DCDC1: variants seen among roughly 807,000 people sequenced by gnomAD.
DCDC1 encodes the protein doublecortin domain-containing protein 1.
Under a neutral mutation model 178.3 loss-of-function variants are expected in DCDC1, and 200 were observed. That is an observed-to-expected ratio of 1.12 (90% confidence interval 1.00 to 1.26). The LOEUF is 1.26. DCDC1 is among the 50% of genes most tolerant of loss of function. The probability of loss-of-function intolerance (pLI) is 0.00; values close to 1 mark genes in which losing one functional copy is unlikely to be tolerated. For missense variants in DCDC1, 1,983 were observed against 1,749.2 expected (o/e 1.13, Z -2.38); for synonymous variants, 690 against 604.8 (o/e 1.14, Z -2.07).
At chr11:31,361,500 A>G (rs962102742) in intron 1 of DCDC1, among the ~76,000 whole-genome samples, 1 of 152,008 alleles carries the variant, frequency 6.6e-6, no homozygotes, top group African/African-American at 2.4e-5. Context: ...TTTTTTTTTA[A>G]GACAAGAGTC....
At chr11:31,273,703 C>T (rs1352209752) in intron 7 of DCDC1, among the ~76,000 whole-genome samples, 2 of 152,164 alleles carry the variant, frequency 1.3e-5, no homozygotes, top group East Asian at 1.9e-4. Context: ...GTATCTACAG[C>T]AGCACCCCAC....
At chr11:31,348,917 A>G (rs183186410) in intron 1 of DCDC1, among the ~76,000 whole-genome samples, 25 of 152,348 alleles carry the variant, frequency 1.6e-4, no homozygotes, top group Admixed American at 1.5e-3. Context: ...TTAATTTTAC[A>G]ACAACTAAAA....
At chr11:31,020,461 G>A (rs1276811263) in intron 20 of DCDC1, among the ~76,000 whole-genome samples, 2 of 152,090 alleles carry the variant, frequency 1.3e-5, no homozygotes, top group East Asian at 3.9e-4. Context: ...TTTGTCTTAA[G>A]TCATTAGATC....
At chr11:31,367,599 T>C (rs1469088847) in intron 1 of DCDC1, among the ~76,000 whole-genome samples, 2 of 152,204 alleles carry the variant, frequency 1.3e-5, no homozygotes, top group Non-Finnish European at 1.5e-5. Flanking sequence ...CTGGATACAG[T>C]AGCCACTAGT....
At chr11:30,940,806 A>G (rs1469418240) in intron 21 of DCDC1, among the ~76,000 whole-genome samples, 1 of 152,016 alleles carries the variant, frequency 6.6e-6, no homozygotes, top group Non-Finnish European at 1.5e-5. Context: ...CTTTGACTTC[A>G]TTCTGTCACC....
At chr11:31,054,305 G>C (rs1955448542) in intron 20 of DCDC1, among the ~76,000 whole-genome samples, 1 of 149,116 alleles carries the variant, frequency 6.7e-6, no homozygotes, top group South Asian at 2.1e-4. Context: ...CCTCTACAAG[G>C]AAAACTACAA....
At chr11:31,237,536 A>T (rs1022742251) in intron 9 of DCDC1, among the ~76,000 whole-genome samples, 1 of 151,964 alleles carries the variant, frequency 6.6e-6, no homozygotes, top group Non-Finnish European at 1.5e-5. Flanking sequence ...AAAAAAATTT[A>T]AATTTAAATC....
At chr11:31,112,032 TG>T (rs1959185766) in intron 11 of DCDC1, among the ~76,000 whole-genome samples, 1 of 152,082 alleles carries the variant, frequency 6.6e-6, no homozygotes, top group Non-Finnish European at 1.5e-5. Flanking sequence ...AAAAATTGGC[TG>T]TGACCTCTGC....
chr11:31,075,674 C>T (rs1037049975), intron 18 of DCDC1, among the ~76,000 whole-genome samples: 2 of 152,110 alleles, frequency 1.3e-5, no homozygotes, highest in African/African-American at 2.4e-5. Flanking sequence ...CCTTGTTGGC[C>T]ATTTGTATGT....
intron 20 of DCDC1, among the ~76,000 whole-genome samples, chr11:30,994,710 T>C (rs1951162652): frequency 6.9e-6 from 1 of 144,688 alleles, no homozygotes; most frequent in Admixed American, 7.1e-5. Context: ...ATATAACATA[T>C]AGTATATGTT....
In DCDC1 at chr11:31,014,524, G is replaced by T. The variant is rs1590761480; in HGVS notation, c.2591+49945C>A. Among the ~76,000 whole-genome samples, 5 of 152,228 alleles carry T rather than the reference G, an allele frequency of 3.3e-5. No individual in the cohort carries two copies. In the East Asian group the frequency reaches 9.7e-4, roughly 29 times the overall value. Reference sequence around the variant, plus strand: ...CCTAGCTAGCTGCTCCTGGATTCCGGATCCTTAGAAACTATGTCAGATCAT... The same window carrying T: ...CCTAGCTAGCTGCTCCTGGATTCCGTATCCTTAGAAACTATGTCAGATCAT... On this transcript the variant is annotated intron_variant, in intron 20 of 38. Transcript: ENST00000684477.
At chr11:31,271,201 AT>A (rs1306394507) in intron 7 of DCDC1, among the ~76,000 whole-genome samples, 1 of 152,152 alleles carries the variant, frequency 6.6e-6, no homozygotes, top group Non-Finnish European at 1.5e-5. Context: ...AAGCCTACTT[AT>A]TTCTACAGCC....
rs902607192 is a variant in DCDC1 at position 31,244,696 on chromosome 11, A to G, written c.1055-3080T>C. Among the ~76,000 whole-genome samples the G allele has an allele frequency of 5.3e-5, 8 of 151,898 alleles. No individual in the cohort carries two copies. The East Asian group carries it at 1.2e-3, about 22-fold the overall frequency. Reference sequence around the variant, plus strand: ...TTCATATTAAATGGTTTGGAAGTTAATCATCCCTTAAATTTAGCAATTATG... The same window carrying G: ...TTCATATTAAATGGTTTGGAAGTTAGTCATCCCTTAAATTTAGCAATTATG... On this transcript the variant is annotated intron_variant, in intron 8 of 38. Transcript: ENST00000684477.
chr11:31,323,545 G>A (rs915094006), intron 3 of DCDC1, among the ~76,000 whole-genome samples: 7 of 151,846 alleles, frequency 4.6e-5, no homozygotes, highest in African/African-American at 1.7e-4. Flanking sequence ...GTGTATATTT[G>A]ACAAGCATAT....
At chr11:30,888,060 A>AAGAAAGAAAGAGAG (rs756638479) in intron 36 of DCDC1, among the ~76,000 whole-genome samples, 20 of 73,474 alleles carry the variant, frequency 2.7e-4, no homozygotes, top group African/African-American at 1.4e-3. Context: ...GAAAGAAAGA[A>AAGAAAGAAAGAGAG]AGAGAGAGAG....
At chr11:31,049,692 C>A (rs887603810) in intron 20 of DCDC1, among the ~76,000 whole-genome samples, 14 of 152,138 alleles carry the variant, frequency 9.2e-5, no homozygotes, top group African/African-American at 3.4e-4. Context: ...GCCTCAACTG[C>A]GAAAGTGGGA....
At chr11:31,218,993 A>T (rs1973917850) in intron 9 of DCDC1, among the ~76,000 whole-genome samples, 1 of 152,146 alleles carries the variant, frequency 6.6e-6, no homozygotes, top group Non-Finnish European at 1.5e-5. Flanking sequence ...GAAACAGTGA[A>T]GGAGTGATCA....
chr11:31,313,588 C>T (rs551491505), intron 3 of DCDC1, among the ~76,000 whole-genome samples: 1 of 138,344 alleles, frequency 7.2e-6, no homozygotes, highest in African/African-American at 2.7e-5. Context: ...TTTTTAAGAT[C>T]TACATTAAGA....
Position 31,290,546 on chromosome 11 carries a change from C to A in DCDC1, c.960+101G>T, listed in dbSNP as rs531251815. The A allele has an allele frequency of 1.0e-5, 13 of 1,245,222 alleles. No homozygotes were observed. In the Admixed American group the frequency reaches 2.5e-4, roughly 24 times the overall value. The allele number at this position is 1,245,222 out of a possible 1,614,324, so 77.1% of individuals were successfully genotyped here. A position where few individuals can be genotyped will look rare whatever the true frequency, so the allele number is the denominator to read the frequency against. ...TCTATATAATGTCTTGTTAATATTT[C>A]TATTTGTTGGCATCGATATTTAGAA... On this transcript the variant is annotated intron_variant, in intron 7 of 38. Coordinates refer to ENST00000684477, the MANE Select transcript of DCDC1 (RefSeq NM_001387274.1).
Sources: allele counts gnomAD v4.1 joint callset (sites outside exome capture counted in the v4.1 genomes callset), GRCh38; gene constraint gnomAD v4.1.1; transcripts MANE v1.5; gene names NCBI Gene and HGNC (gene_info 2026-07-23, HGNC 2026-07-21).